The following STK10 variants were observed in gnomAD, a reference collection of about 807,000 sequenced individuals.
STK10 encodes serine/threonine kinase 10, also known as serine/threonine-protein kinase 10.
STK10 carries 78 observed loss-of-function variants against 113.8 expected under a neutral mutation model. That is an observed-to-expected ratio of 0.69 (90% CI 0.57 to 0.83). STK10 has a LOEUF of 0.83. Among genes scored for constraint, STK10 ranks in the 40% least tolerant of loss-of-function variants. The probability of loss-of-function intolerance (pLI) is 0.00; values close to 1 mark genes in which losing one functional copy is unlikely to be tolerated. For synonymous variants in STK10, 465 were observed against 494.7 expected (o/e 0.94, Z 0.80); for missense variants, 1,109 against 1,280.1 (o/e 0.87, Z 2.04).
At chr5:172,106,459 G>A (rs1769113017) in intron 6 of STK10, among the ~76,000 whole-genome samples, 161 bp downstream of exon 6, 1 of 147,904 alleles carries the variant, frequency 6.8e-6, no homozygotes, top group Admixed American at 6.8e-5. Flanking sequence ...GCCCGGGGGG[G>A]CTCAGAAACG....
Position 172,042,365 on chromosome 5 carries a change from C to A in STK10, c.*2517G>T, listed in dbSNP as rs1188712235. 1 of 152,646 alleles carries A rather than the reference C, an allele frequency of 6.6e-6. No individual in the cohort carries two copies. Among genetic ancestry groups the A allele is most frequent in the African/African-American group, 2.4e-5 (1 of 41,440 alleles). The allele number at this position is 152,646 out of a possible 1,614,324, so 9.5% of individuals were successfully genotyped here. On this transcript the variant is annotated 3_prime_UTR_variant, in exon 19 of 19. Transcript: ENST00000176763. Reference sequence around the variant, plus strand: ...GTGGCTCCACGGTGAGGCTAGGTGACCCCGCCAGTCCCCATCCAGAAAAGC... The same window carrying A: ...GTGGCTCCACGGTGAGGCTAGGTGAACCCGCCAGTCCCCATCCAGAAAAGC...
chr5:172,128,191 G>A (rs1769667254), intron 2 of STK10, among the ~76,000 whole-genome samples: 1 of 140,098 alleles, frequency 7.1e-6, no homozygotes, highest in African/African-American at 2.7e-5. Flanking sequence ...TCCAGCCTGG[G>A]CAATAGAGCA....
At chr5:172,151,877 A>G (rs767557711) in intron 2 of STK10, among the ~76,000 whole-genome samples, 7 of 152,044 alleles carry the variant, frequency 4.6e-5, no homozygotes, top group Non-Finnish European at 1.0e-4. Flanking sequence ...TCCCTCCACC[A>G]CGCGCCAGCC....
intron 1 of STK10, among the ~76,000 whole-genome samples, chr5:172,159,960 A>T (rs2113821523): frequency 6.6e-6 from 1 of 151,392 alleles, no homozygotes; most frequent in East Asian, 1.9e-4. Context: ...ACATGGTGAA[A>T]CCCCATCTCT....
intron 2 of STK10, among the ~76,000 whole-genome samples, chr5:172,128,548 C>T (rs1045382977): frequency 6.6e-6 from 1 of 152,176 alleles, no homozygotes; most frequent in Admixed American, 6.5e-5. Flanking sequence ...CCAGGCTGGT[C>T]TCAAACATCT....
intron 13 of STK10, among the ~76,000 whole-genome samples, chr5:172,062,623 C>A (rs919723429): frequency 2.0e-5 from 3 of 152,178 alleles, no homozygotes; most frequent in African/African-American, 2.4e-5. Context: ...GAGGACATTA[C>A]GCTAAGTGAA....
chr5:172,093,878 GA>G lies in STK10; in HGVS notation c.1087del (p.Ser363ProfsTer13). On this transcript the variant is annotated frameshift_variant, in exon 9 of 19. Transcript: ENST00000176763. LOFTEE classifies it high-confidence loss of function. The surrounding 1 kb of genome is among the most constrained non-coding windows in gnomAD (Gnocchi z 4.1). ...NADKPLEESP[S>X]TPLAPSQSQD... ...AGACTGGCTGGGTGCCAGCGGGGTG[GA>G]AGGTGACTCCTCGAGAGGCTTGTCA... is the stretch of plus-strand genomic sequence containing the variant. 1.3e-6 allele frequency: 2 copies of G among 1,568,128 alleles called. No individual in the cohort carries two copies. Among genetic ancestry groups the G allele is most frequent in the Non-Finnish European group, 8.7e-7 (1 of 1,153,512 alleles).
chr5:172,090,535 G>A lies in STK10; in HGVS notation c.1555-173C>T, dbSNP rs74527560. Among the ~76,000 whole-genome samples the A allele has an allele frequency of 5.3e-3, 809 of 152,224 alleles. 16 individuals carry two copies. Among genetic ancestry groups the A allele is most frequent in the Admixed American group, 0.039 (600 of 15,286 alleles). On this transcript the variant is annotated intron_variant, in intron 9 of 18. Transcript: ENST00000176763. ...ACTTAACCTAGGAGCTGGGGGTTCT[G>A]AGCTTATTCCCTTGCTCTTCCCTGA...
At chr5:172,100,991 G>A (rs1488306190) in intron 7 of STK10, among the ~76,000 whole-genome samples, 1 of 152,096 alleles carries the variant, frequency 6.6e-6, no homozygotes, top group African/African-American at 2.4e-5. Flanking sequence ...TGGCCTACAG[G>A]CTGTGTGACT....
At position 172,082,791 on chromosome 5, in the gene STK10, G is replaced by A. The variant is rs1768462898; in HGVS notation, c.1809+170C>T. On this transcript the variant is annotated intron_variant, in intron 11 of 18. Transcript: ENST00000176763. This position sits in a 1 kb window ranked among gnomAD's most constrained non-coding sequence, Gnocchi z 4.3. ...GACTCAGGATCGCTGTGACCTTCACGGGGTTCTGTGTTAACAAGTCACTGC... is the reference window on the plus strand; with the variant it reads ...GACTCAGGATCGCTGTGACCTTCACAGGGTTCTGTGTTAACAAGTCACTGC... Among the ~76,000 whole-genome samples, 2 of 152,124 alleles carry A rather than the reference G, an allele frequency of 1.3e-5. No individual in the cohort carries two copies. The highest frequency in any genetic ancestry group is 2.1e-4 in the South Asian group (1 of 4,830).
chr5:172,135,637 AAT>A (rs1423485783), intron 2 of STK10, among the ~76,000 whole-genome samples: 1 of 152,218 alleles, frequency 6.6e-6, no homozygotes. Flanking sequence ...GCAGTTCCTC[AAT>A]ATGTTAAACG....
Position 172,093,219 on chromosome 5 carries a change from A to C in STK10, c.1554+193T>G, listed in dbSNP as rs1768759424. ...AAGCTTTGAAATTTAAACCCAAACC[A>C]ACTGCTTTACATTCCTAAATCCCAT... On this transcript the variant is annotated intron_variant, in intron 9 of 18. Transcript: ENST00000176763. This position sits in a 1 kb window ranked among gnomAD's most constrained non-coding sequence, Gnocchi z 4.1. 6.6e-6 allele frequency among the ~76,000 whole-genome samples: 1 copy of C among 152,140 alleles called. No homozygotes were observed. Among genetic ancestry groups the C allele is most frequent in the Non-Finnish European group, 1.5e-5 (1 of 68,010 alleles).
chr5:172,116,593 C>A (rs182179129), intron 4 of STK10, among the ~76,000 whole-genome samples: 122 of 151,576 alleles, frequency 8.0e-4, no homozygotes, highest in Admixed American at 2.4e-3. Context: ...TTGAGCCGGG[C>A]GGGGTGGTTC....
chr5:172,076,841 C>T (rs181404444), intron 12 of STK10, among the ~76,000 whole-genome samples: 20 of 152,196 alleles, frequency 1.3e-4, no homozygotes, highest in Admixed American at 1.2e-3. Context: ...AAAGGCCTCA[C>T]GAGCTTAAAA....
chr5:172,058,604 T>G (rs1476637570), intron 14 of STK10, among the ~76,000 whole-genome samples: 5 of 152,140 alleles, frequency 3.3e-5, no homozygotes, highest in African/African-American at 4.8e-5. Flanking sequence ...AAACATAATA[T>G]GTACGGCCAG....
intron 3 of STK10, among the ~76,000 whole-genome samples, chr5:172,122,914 C>T (rs765385665): frequency 6.6e-6 from 1 of 152,154 alleles, no homozygotes; most frequent in Non-Finnish European, 1.5e-5. Flanking sequence ...TGAGCCACCG[C>T]GCCCGGCCAA....
In STK10 at chr5:172,083,089, A is replaced by G; in HGVS notation, c.1686-5T>C. The stretch of plus-strand genomic sequence containing the variant: ...AGCTCTCGGAGTTCCTGGCGCCTGA[A>G]AGGTTAAAGGATACAGATATTTCAC... On this transcript the variant is annotated splice_region_variant and splice_polypyrimidine_tract_variant and intron_variant, in intron 10 of 18. Coordinates refer to ENST00000176763, the MANE Select transcript of STK10 (RefSeq NM_005990.4). 1 of 1,614,008 alleles carries G rather than the reference A, an allele frequency of 6.2e-7. No individual in the cohort carries two copies. Among genetic ancestry groups the G allele is most frequent in the Non-Finnish European group, 8.5e-7 (1 of 1,179,986 alleles).
intron 10 of STK10, among the ~76,000 whole-genome samples, chr5:172,089,122 C>T (rs1427860579): frequency 6.6e-6 from 1 of 152,226 alleles, no homozygotes; most frequent in Non-Finnish European, 1.5e-5. Context: ...GTAGTTATCC[C>T]TCAGGGCCTC....
At chr5:172,052,790 C>T (rs752404715) in intron 18 of STK10, 139 bp downstream of exon 18, 2 of 786,748 alleles carry the variant, frequency 2.5e-6, no homozygotes, top group Non-Finnish European at 4.1e-6. Flanking sequence ...TCCCCTCTCT[C>T]TCAGGCTGGA....
Sources: allele counts gnomAD v4.1 joint callset (sites outside exome capture counted in the v4.1 genomes callset), GRCh38; gene constraint gnomAD v4.1.1; non-coding constraint Gnocchi (gnomAD v3.1); transcripts MANE v1.5; gene names NCBI Gene and HGNC (gene_info 2026-07-23, HGNC 2026-07-21).